HDAC4: variants seen among roughly 807,000 people sequenced by gnomAD.
The protein encoded by HDAC4 is histone deacetylase 4.
HDAC4 carries 16 observed loss-of-function variants against 135.1 expected under a neutral mutation model. The observed-to-expected ratio is 0.12, with a 90% CI of 0.08 to 0.18. The LOEUF is 0.18. HDAC4 is among the 10% of genes least tolerant of loss of function. The pLI is 1.00. For missense variants in HDAC4, 1,143 were observed against 1,511.8 expected, an observed-to-expected ratio of 0.76 and a Z score of 4.05; for synonymous variants, 685 against 653.4, an observed-to-expected ratio of 1.05 and a Z score of -0.74.
intron 2 of HDAC4, among the ~76,000 whole-genome samples, chr2:239,327,932 C>T (rs186808835): frequency 8.5e-5 from 13 of 152,236 alleles, no homozygotes; most frequent in Admixed American, 5.2e-4. Context: ...ACACACCATC[C>T]AGGGGCCTGG....
At chr2:239,326,482 T>C (rs1032189229) in intron 2 of HDAC4, among the ~76,000 whole-genome samples, 2 of 152,218 alleles carry the variant, frequency 1.3e-5, no homozygotes, top group Non-Finnish European at 2.9e-5. Flanking sequence ...GCCACTGAAC[T>C]GTGCGCTTCA....
chr2:239,377,674 A>G (rs1199259455), intron 1 of HDAC4, among the ~76,000 whole-genome samples: 1 of 152,216 alleles, frequency 6.6e-6, no homozygotes, highest in Non-Finnish European at 1.5e-5. Flanking sequence ...GCTTCTCACA[A>G]GGGGCAGGGC....
intron 1 of HDAC4, among the ~76,000 whole-genome samples, chr2:239,392,892 A>C (rs974998777): frequency 3.3e-5 from 5 of 152,130 alleles, no homozygotes; most frequent in Non-Finnish European, 7.4e-5. Context: ...TCAGACCCGG[A>C]ATTCTGGTGT....
chr2:239,257,853 A>C (rs569009051), intron 2 of HDAC4, among the ~76,000 whole-genome samples: 2 of 152,214 alleles, frequency 1.3e-5, no homozygotes, highest in Admixed American at 6.5e-5. Context: ...AACAAAAAAA[A>C]CCCAACAGAA....
chr2:239,190,182 G>GGT, intron 3 of HDAC4, 105 bp from the exon 4 acceptor site: 2 of 1,411,994 alleles, frequency 1.4e-6, no homozygotes, highest in Non-Finnish European at 1.9e-6. Context: ...GGCGGGGGGG[G>GGT]GGTTGTGACC....
chr2:239,054,652 G>A (rs1234619621), intron 25 of HDAC4, 97 bp downstream of exon 25: 6 of 822,106 alleles, frequency 7.3e-6, no homozygotes, highest in Non-Finnish European at 1.1e-5. Context: ...GCAGTGGGAT[G>A]GAGAAGAGCT....
At chr2:239,294,293 G>A (rs1453927830) in intron 2 of HDAC4, among the ~76,000 whole-genome samples, 8 of 131,736 alleles carry the variant, frequency 6.1e-5, no homozygotes, top group Non-Finnish European at 1.3e-4. Context: ...GAAGCTGTTC[G>A]CCGTGAGGAC....
chr2:239,382,106 G>A (rs1261857334), intron 1 of HDAC4, among the ~76,000 whole-genome samples: 9 of 152,354 alleles, frequency 5.9e-5, no homozygotes, highest in Non-Finnish European at 4.4e-5. Flanking sequence ...AGCACAATCA[G>A]CGACAGCACA....
chr2:239,145,247 TGTCA>T (rs976417486), intron 7 of HDAC4, among the ~76,000 whole-genome samples: 25 of 152,208 alleles, frequency 1.6e-4, no homozygotes, highest in Middle Eastern at 3.2e-3. Flanking sequence ...GCCCCAGCTG[TGTCA>T]GTCAGTGAGG....
At chr2:239,183,458 C>T (rs2044283935) in intron 4 of HDAC4, among the ~76,000 whole-genome samples, 1 of 152,186 alleles carries the variant, frequency 6.6e-6, no homozygotes, top group African/African-American at 2.4e-5. Flanking sequence ...AAGCTGCCGC[C>T]CATGGATGGG....
chr2:239,386,065 A>C (rs7588545), intron 1 of HDAC4, among the ~76,000 whole-genome samples: 34,714 of 152,086 alleles, frequency 0.23, 4,768 homozygotes, highest in African/African-American at 0.37. Context: ...CCGGCAGGCA[A>C]GGCAGAGGGG....
intron 3 of HDAC4, among the ~76,000 whole-genome samples, chr2:239,215,243 C>A (rs376085977): frequency 2.0e-5 from 3 of 152,090 alleles, no homozygotes; most frequent in East Asian, 1.9e-4. Context: ...GTGGCCGGGG[C>A]GGGGGAAGGT....
intron 6 of HDAC4, among the ~76,000 whole-genome samples, chr2:239,158,835 C>T (rs534371423): frequency 7.2e-5 from 11 of 152,196 alleles, no homozygotes; most frequent in South Asian, 2.1e-4. Flanking sequence ...GTGCCCTCCG[C>T]GAAGAAGCGT....
At chr2:239,311,433 C>T (rs6755156) in intron 2 of HDAC4, among the ~76,000 whole-genome samples, 7 of 152,148 alleles carry the variant, frequency 4.6e-5, no homozygotes, top group African/African-American at 1.7e-4. Flanking sequence ...CTGTTCTGAT[C>T]CGCAGAACAC....
At chr2:239,220,832 A>G (rs1044713754) in intron 3 of HDAC4, among the ~76,000 whole-genome samples, 1 of 152,248 alleles carries the variant, frequency 6.6e-6, no homozygotes, top group Non-Finnish European at 1.5e-5. Context: ...TGAATTTAAA[A>G]GATAATTATA....
intron 1 of HDAC4, among the ~76,000 whole-genome samples, chr2:239,390,403 A>G (rs954248187): frequency 6.6e-6 from 1 of 152,188 alleles, no homozygotes; most frequent in African/African-American, 2.4e-5. Flanking sequence ...CCATGGTGGC[A>G]TGCGTCTTTG....
At chr2:239,067,990 A>C (rs1377337673) in intron 23 of HDAC4, among the ~76,000 whole-genome samples, 1 of 152,156 alleles carries the variant, frequency 6.6e-6, no homozygotes, top group Non-Finnish European at 1.5e-5. Context: ...CAGCAGGAGC[A>C]CTGCTGGGCA....
At position 239,068,081 on chromosome 2, in the gene HDAC4, T is replaced by C. The variant is rs2152597061; in HGVS notation, c.2869+408A>G. ...CACATCCTGGGCTCCCTCATCCAAC[T>C]CTGAACTCAACTGTGCCCCCAGCAA... On this transcript the variant is annotated intron_variant, in intron 23 of 26. Coordinates refer to ENST00000543185, the MANE Select transcript of HDAC4 (RefSeq NM_001378414.1). This position sits in a 1 kb window ranked among gnomAD's most constrained non-coding sequence, Gnocchi z 4.4. 6.6e-6 allele frequency among the ~76,000 whole-genome samples: 1 copy of C among 152,182 alleles called. No individual in the cohort carries two copies. The highest frequency in any genetic ancestry group is 1.9e-4 in the East Asian group (1 of 5,156).
intron 2 of HDAC4, among the ~76,000 whole-genome samples, chr2:239,276,317 G>A (rs2125301650): frequency 6.6e-6 from 1 of 152,312 alleles, no homozygotes; most frequent in Middle Eastern, 3.4e-3. Context: ...TCGTGGTCCC[G>A]CCAACAGAGA....
Sources: allele counts gnomAD v4.1 joint callset (sites outside exome capture counted in the v4.1 genomes callset), GRCh38; gene constraint gnomAD v4.1.1; non-coding constraint Gnocchi (gnomAD v3.1); transcripts MANE v1.5; gene names NCBI Gene and HGNC (gene_info 2026-07-23, HGNC 2026-07-21).